The following NTNG2 variants were observed in gnomAD, a reference collection of about 807,000 sequenced individuals.
NTNG2 encodes netrin G2, also known as netrin-G2.
Under a neutral mutation model 47.6 loss-of-function variants are expected in NTNG2, and 15 were observed. The ratio of observed to expected loss-of-function variants is 0.32; its 90% confidence interval spans 0.21 to 0.49. The LOEUF is 0.49. NTNG2 is among the 20% of genes least tolerant of loss of function. NTNG2 has a pLI of 0.99. For synonymous variants in NTNG2, 307 were observed against 324.6 expected (o/e 0.95, Z 0.58); for missense variants, 578 against 764.6 (o/e 0.76, Z 2.88).
At chr9:132,217,119 C>T (rs1840045645) in intron 3 of NTNG2, among the ~76,000 whole-genome samples, 1 of 152,232 alleles carries the variant, frequency 6.6e-6, no homozygotes, top group Non-Finnish European at 1.5e-5. Context: ...GCCCTTGACC[C>T]ATCTGAGCCT....
chr9:132,190,559 ATGGC>A (rs1417937977), intron 2 of NTNG2, among the ~76,000 whole-genome samples: 1 of 152,186 alleles, frequency 6.6e-6, no homozygotes, highest in Non-Finnish European at 1.5e-5. Flanking sequence ...GGAAGTTCAA[ATGGC>A]TGGGCTTCCC....
chr9:132,241,507 A>C, intron 7 of NTNG2: 1 of 326,864 alleles, frequency 3.1e-6, no homozygotes, highest in Non-Finnish European at 5.7e-6. Flanking sequence ...TTGGAAAGGT[A>C]TTTGCGGGGA....
intron 3 of NTNG2, among the ~76,000 whole-genome samples, chr9:132,225,119 G>A (rs1589522764): frequency 6.6e-6 from 1 of 152,292 alleles, no homozygotes; most frequent in East Asian, 1.9e-4. Flanking sequence ...GTTTCACCAT[G>A]TCGGACAGGC....
intron 6 of NTNG2, chr9:132,240,533 C>T: frequency 5.6e-6 from 2 of 355,588 alleles, no homozygotes. Flanking sequence ...CACAGCAGCC[C>T]CAGACATGCT....
rs1205099123 is a variant in NTNG2, at chr9:132,163,671, C to T, written c.-484+1432C>T. Among the ~76,000 whole-genome samples, 1 of 152,058 alleles carries T rather than the reference C, an allele frequency of 6.6e-6. No individual in the cohort carries two copies. Among genetic ancestry groups the T allele is most frequent in the South Asian group, 2.1e-4 (1 of 4,834 alleles). On this transcript the variant is annotated intron_variant, in intron 1 of 7. Coordinates refer to ENST00000393229, the MANE Select transcript of NTNG2 (RefSeq NM_032536.4). The surrounding 1 kb of genome is among the most constrained non-coding windows in gnomAD (Gnocchi z 7.2). The stretch of plus-strand genomic sequence containing the variant: ...AGCCCCCAGCGCCCTCCCTCCCGTG[C>T]CCCCAGGGGCCCCGCGCCCGCCGCG...
chr9:132,211,076 C>T (rs927520905), intron 3 of NTNG2, among the ~76,000 whole-genome samples: 3 of 152,184 alleles, frequency 2.0e-5, no homozygotes, highest in Non-Finnish European at 4.4e-5. Flanking sequence ...ACAGGGTGAG[C>T]GGAGGCCTCC....
At chr9:132,187,626 G>A (rs1837506001) in intron 2 of NTNG2, among the ~76,000 whole-genome samples, 1 of 149,752 alleles carries the variant, frequency 6.7e-6, no homozygotes, top group African/African-American at 2.4e-5. Flanking sequence ...AGGGAGGGAG[G>A]GAGAGCTCAG....
intron 3 of NTNG2, among the ~76,000 whole-genome samples, chr9:132,210,787 C>A (rs980334644): frequency 6.6e-6 from 1 of 152,162 alleles, no homozygotes; most frequent in East Asian, 1.9e-4. Context: ...TGCCTCCCTC[C>A]ACATCTCAGC....
At chr9:132,239,337 G>T in intron 6 of NTNG2, 66 bp downstream of exon 6, 1 of 1,573,802 alleles carries the variant, frequency 6.4e-7, no homozygotes. Flanking sequence ...TGCCCTGCGA[G>T]GTGGCCTCTG....
intron 3 of NTNG2, among the ~76,000 whole-genome samples, chr9:132,214,660 G>C (rs1839842807): frequency 6.6e-6 from 1 of 152,240 alleles, no homozygotes; most frequent in Non-Finnish European, 1.5e-5. Context: ...CAGGCCGTGA[G>C]AGAAGTCAGG....
intron 7 of NTNG2, chr9:132,241,359 A>C (rs1589575264): frequency 5.2e-6 from 2 of 384,278 alleles, no homozygotes; most frequent in African/African-American, 2.3e-5. Context: ...CGGAGCTGGC[A>C]GGTGGGCGGG....
chr9:132,219,499 G>C (rs1357572917), intron 3 of NTNG2, among the ~76,000 whole-genome samples: 1 of 150,218 alleles, frequency 6.7e-6, no homozygotes. Context: ...CTTGAACCCA[G>C]GAGGTGGAGG....
chr9:132,203,081 G>A (rs1838906669), intron 3 of NTNG2, among the ~76,000 whole-genome samples: 1 of 152,136 alleles, frequency 6.6e-6, no homozygotes, highest in African/African-American at 2.4e-5. Context: ...TAGATATGAG[G>A]CCATTCCTGC....
intron 2 of NTNG2, among the ~76,000 whole-genome samples, chr9:132,185,080 G>C (rs973773462): frequency 3.9e-5 from 6 of 152,044 alleles, no homozygotes; most frequent in Admixed American, 1.3e-4. Flanking sequence ...TGGGCTGGGG[G>C]TGGGGAGGCT....
chr9:132,234,153 C>T (rs537494272), intron 5 of NTNG2, among the ~76,000 whole-genome samples: 10 of 152,106 alleles, frequency 6.6e-5, no homozygotes, highest in East Asian at 1.9e-4. Context: ...CTCAGCCTCC[C>T]GAGTAGCTGG....
chr9:132,181,275 GT>G (rs1836913049), intron 2 of NTNG2, among the ~76,000 whole-genome samples: 1 of 148,090 alleles, frequency 6.8e-6, no homozygotes, highest in South Asian at 2.2e-4. Context: ...TAGAGATGGG[GT>G]TTTGCCATGT....
At chr9:132,213,921 A>C (rs1266023823) in intron 3 of NTNG2, among the ~76,000 whole-genome samples, 2 of 152,010 alleles carry the variant, frequency 1.3e-5, no homozygotes, top group African/African-American at 4.8e-5. Flanking sequence ...ATGACCAGGA[A>C]CCCCCATGGT....
Position 132,163,110 on chromosome 9 carries a change from G to A in NTNG2, c.-484+871G>A, listed in dbSNP as rs1835207106. Among the ~76,000 whole-genome samples, 1 of 152,188 alleles carries A rather than the reference G, an allele frequency of 6.6e-6. No homozygotes were observed. ...TAAGAGAGGCAGTGCCGAAAAAGGGGGCGCCTCAGTCCCGGCCGGGCCTTT... is the reference window on the plus strand; with the variant it reads ...TAAGAGAGGCAGTGCCGAAAAAGGGAGCGCCTCAGTCCCGGCCGGGCCTTT... On this transcript the variant is annotated intron_variant, in intron 1 of 7. Coordinates refer to ENST00000393229, the MANE Select transcript of NTNG2 (RefSeq NM_032536.4). The surrounding 1 kb of genome is among the most constrained non-coding windows in gnomAD (Gnocchi z 7.2).
chr9:132,173,709 G>C, intron 2 of NTNG2, among the ~76,000 whole-genome samples: 1 of 151,558 alleles, frequency 6.6e-6, no homozygotes, highest in African/African-American at 2.4e-5. Flanking sequence ...TGGATGGACA[G>C]ACGGACAGAC....
Sources: gnomAD v4.1 joint callset for allele counts (sites outside exome capture counted in the v4.1 genomes callset) on GRCh38, gnomAD v4.1.1 for gene constraint, Gnocchi (gnomAD v3.1) non-coding constraint, MANE v1.5 for transcripts, NCBI Gene and HGNC (gene_info 2026-07-23, HGNC 2026-07-21) for gene names.